LAMB4: variants seen among roughly 807,000 people sequenced by gnomAD.
The protein encoded by LAMB4 is laminin subunit beta-4.
In LAMB4, 196 loss-of-function variants were observed where a neutral mutation model predicts 199.2. That is an observed-to-expected ratio of 0.98 (90% CI 0.88 to 1.11). The LOEUF is 1.11. LAMB4 is among the 50% of genes least tolerant of loss of function. The pLI is 0.00. For synonymous variants in LAMB4, 744 were observed against 770.6 expected (o/e 0.97, Z 0.57); for missense variants, 2,080 against 2,171.2 (o/e 0.96, Z 0.83).
intron 27 of LAMB4, among the ~76,000 whole-genome samples, chr7:108,048,970 C>A (rs1327306070): frequency 6.6e-6 from 1 of 152,156 alleles, no homozygotes; most frequent in Non-Finnish European, 1.5e-5. Flanking sequence ...GAATTACAGG[C>A]GTGAGCCACC....
chr7:108,123,805 T>C (rs2038683171), intron 1 of LAMB4, among the ~76,000 whole-genome samples: 1 of 152,234 alleles, frequency 6.6e-6, no homozygotes, highest in Non-Finnish European at 1.5e-5. Flanking sequence ...AAATGCACTT[T>C]TAATTAGTGA....
downstream of LAMB4, among the ~76,000 whole-genome samples, chr7:108,019,341 C>T (rs2034643601): frequency 6.6e-6 from 1 of 152,002 alleles, no homozygotes; most frequent in South Asian, 2.1e-4. Context: ...CCCTCTGACT[C>T]TCTCCTGCCT....
rs374343449 is a variant in LAMB4, at chr7:108,048,027, A to G, written c.4207T>C (p.Cys1403Arg). 1.2e-6 allele frequency: 2 copies of G among 1,614,090 alleles called. No individual in the cohort carries two copies. The highest frequency in any genetic ancestry group is 2.2e-5 in the East Asian group (1 of 44,874). The change falls in exon 28 of 34, where the codon TGT (cysteine) becomes CGT (arginine). Residue 1403 changes from cysteine (C) to arginine (R), a missense_variant. Cys to Arg is a radical substitution (Grantham distance 180). Transcript: ENST00000388781. ...GAGCCGTGACAGCCGGGACCCCTAC[A>G]CTTCCTGTGCCCCTTCCGGCCCGTG... ...LCTGRKGHRK[C>R]RGPGCHGSLT...
At chr7:108,094,860 T>C (rs1187923780) in intron 12 of LAMB4, among the ~76,000 whole-genome samples, 1 of 152,066 alleles carries the variant, frequency 6.6e-6, no homozygotes, top group Non-Finnish European at 1.5e-5. Flanking sequence ...GTAGGGATGA[T>C]AAGGGGATTG....
chr7:108,012,371 C>T, the LAMB4 span, among the ~76,000 whole-genome samples: 1 of 152,144 alleles, frequency 6.6e-6, no homozygotes, highest in Non-Finnish European at 1.5e-5. Context: ...TAAGGGGACT[C>T]TTGCCTTACC....
chr7:108,017,232 C>G, the LAMB4 span, among the ~76,000 whole-genome samples: 1 of 152,130 alleles, frequency 6.6e-6, no homozygotes, highest in African/African-American at 2.4e-5. Context: ...AGAGTGGCCA[C>G]TTTTAACATG....
intron 3 of LAMB4, among the ~76,000 whole-genome samples, chr7:108,114,649 A>G (rs1279084281): frequency 1.3e-5 from 2 of 152,198 alleles, no homozygotes; most frequent in African/African-American, 4.8e-5. Context: ...CTAGAAACCA[A>G]TTTGAATACA....
intron 33 of LAMB4, among the ~76,000 whole-genome samples, chr7:108,026,313 A>G (rs1312654711): frequency 6.6e-6 from 1 of 152,248 alleles, no homozygotes; most frequent in Non-Finnish European, 1.5e-5. Flanking sequence ...TTTGACTAAT[A>G]GAAAAGCGGA....
intron 20 of LAMB4, 50 bp from the exon 21 acceptor site, chr7:108,065,969 T>A: frequency 6.5e-7 from 1 of 1,546,744 alleles, no homozygotes; most frequent in Non-Finnish European, 8.9e-7. Context: ...AAAGATCACA[T>A]GTTAGCCAAT....
intron 10 of LAMB4, among the ~76,000 whole-genome samples, chr7:108,099,774 G>A (rs2037754351): frequency 6.6e-6 from 1 of 152,274 alleles, no homozygotes; most frequent in Middle Eastern, 3.4e-3. Context: ...CCACCATTTA[G>A]GTTAGTGAGT....
rs183098002 is a variant in LAMB4 at position 108,080,994 on chromosome 7, C to T, written c.1702-1208G>A. 1.5e-4 allele frequency among the ~76,000 whole-genome samples: 23 copies of T among 152,092 alleles called. No homozygotes were observed. In the East Asian group the frequency reaches 3.7e-3, roughly 24 times the overall value. ...AAAATTATCTGGGAGTGGTGGTGTG[C>T]GCTTGTACTCCCAGCTACTTGGAAG... is the stretch of plus-strand genomic sequence containing the variant. On this transcript the variant is annotated intron_variant, in intron 14 of 33. Coordinates refer to ENST00000388781, the MANE Select transcript of LAMB4 (RefSeq NM_007356.3).
At chr7:108,063,720 C>T (rs1284168711) in intron 22 of LAMB4, 41 bp downstream of exon 22, 1 of 1,524,064 alleles carries the variant, frequency 6.6e-7, no homozygotes, top group Non-Finnish European at 9.1e-7. Flanking sequence ...TGAGCTGTCA[C>T]TCAGCTGACA....
At position 108,105,940 on chromosome 7, in the gene LAMB4, A is replaced by C. The variant is rs140557123; in HGVS notation, c.747T>G (p.Leu249=). Residue 249 remains leucine (L), a synonymous_variant, in exon 8 of 34, where the codon CTT becomes CTG. Transcript: ENST00000388781. Reference sequence around the variant, plus strand: ...CGTACAGAGCATAGTAGTATTTATCAAGGGAATCATTTTGCCTCCTTCCAA... The same window carrying C: ...CGTACAGAGCATAGTAGTATTTATCCAGGGAATCATTTTGCCTCCTTCCAA... ...ALLGRRQNDS[L]DKYYYALYEM... 211 of 1,614,216 alleles carry C rather than the reference A, an allele frequency of 1.3e-4. No individual in the cohort carries two copies. The highest frequency in any genetic ancestry group is 1.4e-4 in the Non-Finnish European group (168 of 1,180,018).
In LAMB4 at chr7:108,069,800, T is replaced by C. The variant is rs755803720; in HGVS notation, c.2210A>G (p.Glu737Gly). 2 of 1,613,966 alleles carry C rather than the reference T, an allele frequency of 1.2e-6. No homozygotes were observed. Among genetic ancestry groups the C allele is most frequent in the East Asian group, 4.5e-5 (2 of 44,890 alleles). The change falls in exon 18 of 34, where the codon GAA (glutamate) becomes GGA (glycine). Residue 737 changes from glutamate to glycine, a missense_variant. By Grantham distance (98) the Glu-to-Gly change is moderately conservative. Transcript: ENST00000388781. ...TTGAGGTCCCATTGCTGAGGCAATT[T>C]CAACACAGTTGTGAAGCTGATACTC... ...LDEYQLHNCVEIASAMGPQVL... is the reference protein window; with the variant it reads ...LDEYQLHNCVGIASAMGPQVL...
intron 4 of LAMB4, among the ~76,000 whole-genome samples, chr7:108,110,668 G>C (rs2038191407): frequency 6.6e-6 from 1 of 152,152 alleles, no homozygotes; most frequent in Non-Finnish European, 1.5e-5. Flanking sequence ...CTTGGACAGA[G>C]TGACATTCCC....
chr7:108,029,267 C>T (rs909632858), intron 32 of LAMB4, 71 bp from the exon 33 acceptor site: 3 of 1,352,390 alleles, frequency 2.2e-6, no homozygotes, highest in Non-Finnish European at 3.0e-6. Flanking sequence ...GATGATTCTC[C>T]TAATTCCATT....
In LAMB4 at chr7:108,079,781, C is replaced by T. The variant is rs201675880; in HGVS notation, c.1707G>A (p.Ser569=). ...TTLQGLAPLG[S]ETFGQSPAVH... is the part of the protein sequence containing the mutation. Reference sequence around the variant, plus strand: ...CAGCAGGACTCTGGCCAAACGTCTCCGAGCCCTAAAATGGGAGAGGAATGT... The same window carrying T: ...CAGCAGGACTCTGGCCAAACGTCTCTGAGCCCTAAAATGGGAGAGGAATGT... Residue 569 remains serine (S), a synonymous_variant, in exon 15 of 34, where the codon TCG becomes TCA. Coordinates refer to ENST00000388781, the MANE Select transcript of LAMB4 (RefSeq NM_007356.3). 9.5e-5 allele frequency: 150 copies of T among 1,575,790 alleles called. No homozygotes were observed. Among genetic ancestry groups the T allele is most frequent in the East Asian group, 8.7e-4 (38 of 43,826 alleles).
chr7:108,072,687 C>T (rs957084484), intron 17 of LAMB4, among the ~76,000 whole-genome samples: 17 of 152,120 alleles, frequency 1.1e-4, no homozygotes, highest in African/African-American at 3.6e-4. Flanking sequence ...GAATAAGAAC[C>T]GGGGTGGCAG....
downstream of LAMB4, among the ~76,000 whole-genome samples, chr7:108,022,073 C>T (rs1238906290): frequency 6.6e-6 from 1 of 152,190 alleles, no homozygotes; most frequent in Non-Finnish European, 1.5e-5. Flanking sequence ...ACAGCATTGG[C>T]CTCCTAACCT....
Sources: allele counts gnomAD v4.1 joint callset (sites outside exome capture counted in the v4.1 genomes callset), GRCh38; gene constraint gnomAD v4.1.1; transcripts MANE v1.5; gene names NCBI Gene and HGNC (gene_info 2026-07-23, HGNC 2026-07-21).